The following TMEM131L variants were observed in gnomAD, a reference collection of about 807,000 sequenced individuals.
The protein encoded by TMEM131L is transmembrane 131 like.
TMEM131L carries 54 observed loss-of-function variants against 192.2 expected under a neutral mutation model. The ratio of observed to expected loss-of-function variants is 0.28; its 90% CI spans 0.23 to 0.35. TMEM131L has a LOEUF of 0.35. Among genes scored for constraint, TMEM131L ranks in the 10% least tolerant of loss-of-function variants. The pLI is 1.00. For synonymous variants in TMEM131L, 701 were observed against 704.9 expected, an observed-to-expected ratio of 0.99 and a Z score of 0.09; for missense variants, 1,888 against 1,972.9, an observed-to-expected ratio of 0.96 and a Z score of 0.82.
chr4:153,567,439 G>A (rs1328278055), intron 7 of TMEM131L, among the ~76,000 whole-genome samples: 1 of 151,992 alleles, frequency 6.6e-6, no homozygotes, highest in African/African-American at 2.4e-5. Context: ...AACACCTGGA[G>A]TTTTTTGTCC....
intron 4 of TMEM131L, among the ~76,000 whole-genome samples, chr4:153,554,516 G>A (rs1218014201): frequency 1.3e-5 from 2 of 152,128 alleles, no homozygotes; most frequent in East Asian, 3.8e-4. Context: ...GTATATAAGA[G>A]AAGCAACATC....
chr4:153,512,910 C>T (rs557715164), intron 3 of TMEM131L, among the ~76,000 whole-genome samples: 2 of 152,322 alleles, frequency 1.3e-5, no homozygotes, highest in South Asian at 4.2e-4. Context: ...CCGTGCCCAG[C>T]CCTTTATTTT....
intron 7 of TMEM131L, among the ~76,000 whole-genome samples, chr4:153,565,477 G>A (rs1729128972): frequency 6.6e-6 from 1 of 152,172 alleles, no homozygotes; most frequent in African/African-American, 2.4e-5. Flanking sequence ...AAGGTTGAGA[G>A]TAGAGCCAGT....
chr4:153,509,881 C>A (rs1045029991), intron 3 of TMEM131L, among the ~76,000 whole-genome samples: 6 of 152,294 alleles, frequency 3.9e-5, no homozygotes, highest in African/African-American at 1.4e-4. Context: ...TTGGAAATCG[C>A]TGCGTCGGGA....
intron 23 of TMEM131L, 59 bp downstream of exon 23, chr4:153,602,786 T>A: frequency 1.3e-6 from 2 of 1,519,016 alleles, no homozygotes; most frequent in Non-Finnish European, 1.8e-6. Flanking sequence ...CCAGGCAAGT[T>A]GTGTGAAAAC....
intron 3 of TMEM131L, among the ~76,000 whole-genome samples, chr4:153,535,714 C>G (rs1736266270): frequency 6.6e-6 from 1 of 152,174 alleles, no homozygotes; most frequent in Non-Finnish European, 1.5e-5. Flanking sequence ...GCACATCGTT[C>G]TGAACATCTT....
intron 3 of TMEM131L, among the ~76,000 whole-genome samples, chr4:153,474,994 C>T (rs1731428856): frequency 6.6e-6 from 1 of 152,152 alleles, no homozygotes; most frequent in Non-Finnish European, 1.5e-5. Flanking sequence ...TTCCAGACCC[C>T]CAGGGTGTAG....
chr4:153,579,271 G>A (rs997228501), intron 7 of TMEM131L, among the ~76,000 whole-genome samples: 26 of 151,988 alleles, frequency 1.7e-4, no homozygotes, highest in African/African-American at 5.1e-4. Flanking sequence ...TGAGGTGGAG[G>A]TTGCATGAGC....
At chr4:153,576,032 T>A (rs1241952168) in intron 7 of TMEM131L, among the ~76,000 whole-genome samples, 1 of 152,000 alleles carries the variant, frequency 6.6e-6, no homozygotes, top group East Asian at 1.9e-4. Context: ...CGATCTCGGC[T>A]CACTGCAAGC....
In TMEM131L at chr4:153,580,754, T is replaced by A. The variant is rs113040492; in HGVS notation, c.661-72T>A. The A allele has an allele frequency of 2.0e-5, 17 of 830,848 alleles. No individual in the cohort carries two copies. The East Asian group carries it at 4.0e-4, about 19-fold the overall frequency. The allele number at this position is 830,848 out of a possible 1,614,324, so 51.5% of individuals were successfully genotyped here. On this transcript the variant is annotated intron_variant, in intron 7 of 34. Transcript: ENST00000409959. Reference sequence around the variant, plus strand: ...AAAAGTGTAGTTTCTGAATACTTGATAAATTGTTTATTATTAGTGTGAGAT... The same window carrying A: ...AAAAGTGTAGTTTCTGAATACTTGAAAAATTGTTTATTATTAGTGTGAGAT...
chr4:153,520,043 C>T (rs1734999081), intron 3 of TMEM131L, among the ~76,000 whole-genome samples: 1 of 152,158 alleles, frequency 6.6e-6, no homozygotes, highest in Non-Finnish European at 1.5e-5. Context: ...TGTAGACTTG[C>T]TTCCATATCT....
At chr4:153,607,765 C>G (rs1732339029) in intron 25 of TMEM131L, among the ~76,000 whole-genome samples, 2 of 152,118 alleles carry the variant, frequency 1.3e-5, no homozygotes, top group African/African-American at 2.4e-5. Context: ...AGAAAATGTT[C>G]TAGGGTATGT....
intron 3 of TMEM131L, among the ~76,000 whole-genome samples, chr4:153,494,012 C>G (rs1047722569): frequency 3.9e-5 from 6 of 152,012 alleles, no homozygotes; most frequent in African/African-American, 1.5e-4. Flanking sequence ...TGAGTTGTGT[C>G]TGAGAAGCTA....
intron 31 of TMEM131L, among the ~76,000 whole-genome samples, chr4:153,630,858 G>C (rs1392046505): frequency 6.6e-6 from 1 of 152,156 alleles, no homozygotes; most frequent in East Asian, 1.9e-4. Flanking sequence ...TGGCCGCAGT[G>C]GAGAACATAC....
At chr4:153,587,025 T>C (rs1300738665) in intron 14 of TMEM131L, among the ~76,000 whole-genome samples, 1 of 152,216 alleles carries the variant, frequency 6.6e-6, no homozygotes, top group African/African-American at 2.4e-5. Flanking sequence ...CAACCATCTT[T>C]ATTTTTTTTC....
intron 7 of TMEM131L, among the ~76,000 whole-genome samples, chr4:153,578,902 C>G (rs921444549): frequency 5.2e-4 from 79 of 152,184 alleles, no homozygotes; most frequent in African/African-American, 1.6e-3. Context: ...AGATGATCCA[C>G]CCACCTCGGC....
Position 153,582,433 on chromosome 4 carries a change from G to GTTTT in TMEM131L, c.893-734_893-731dup, listed in dbSNP as rs1038256479. On this transcript the variant is annotated intron_variant, in intron 9 of 34. Transcript: ENST00000409959. ...CTAATTTAAACCGTTTTTTTTTGTT[G>GTTTT]TTTTTTTTTTTTTTTTTTTTTTTTT... Among the ~76,000 whole-genome samples, 69 of 40,328 alleles carry GTTTT rather than the reference G, an allele frequency of 1.7e-3. 1 individual carries two copies. The highest frequency in any genetic ancestry group is 3.2e-3 in the East Asian group (4 of 1,262). The allele number at this position is 40,328 out of a possible 152,430, so 26.5% of individuals were successfully genotyped here. A position where few individuals can be genotyped will look rare whatever the true frequency, so the allele number is the denominator to read the frequency against.
At chr4:153,500,018 T>C (rs1032487935) in intron 3 of TMEM131L, among the ~76,000 whole-genome samples, 19 of 151,426 alleles carry the variant, frequency 1.3e-4, no homozygotes, top group African/African-American at 4.1e-4. Flanking sequence ...TAATGTTAAC[T>C]TGGTCAGAAC....
intron 3 of TMEM131L, among the ~76,000 whole-genome samples, chr4:153,483,459 G>A (rs1435174581): frequency 6.6e-6 from 1 of 152,110 alleles, no homozygotes; most frequent in East Asian, 1.9e-4. Flanking sequence ...ACTTTGAGAG[G>A]CTGAGGTGGG....
Sources: allele counts gnomAD v4.1 joint callset (sites outside exome capture counted in the v4.1 genomes callset), GRCh38; gene constraint gnomAD v4.1.1; transcripts MANE v1.5; gene names NCBI Gene and HGNC (gene_info 2026-07-23, HGNC 2026-07-21).